Variants in ACAP2 observed in about 807,000 individuals in gnomAD.
ACAP2 encodes the protein ArfGAP with coiled-coil, ankyrin repeat and PH domains 2.
In ACAP2, 39 loss-of-function variants were observed where a neutral mutation model predicts 115.8. That is an observed-to-expected ratio of 0.34 (90% CI 0.26 to 0.44). The LOEUF (loss-of-function observed/expected upper bound fraction) is 0.44, where lower values mean the gene tolerates loss of function less well. ACAP2 is among the 20% of genes least tolerant of loss of function. ACAP2 has a pLI of 1.00. For missense variants in ACAP2, 662 were observed against 927.6 expected (o/e 0.71, Z 3.72); for synonymous variants, 289 against 315.8 (o/e 0.92, Z 0.90).
intron 13 of ACAP2, among the ~76,000 whole-genome samples, chr3:195,303,443 T>C (rs1728202824): frequency 6.8e-6 from 1 of 148,054 alleles, no homozygotes; most frequent in Admixed American, 6.7e-5. Flanking sequence ...ACAAATTAGC[T>C]AGGCATGGTG....
At chr3:195,299,172 A>C (rs1727856023) in intron 15 of ACAP2, among the ~76,000 whole-genome samples, 1 of 152,194 alleles carries the variant, frequency 6.6e-6, no homozygotes. Flanking sequence ...CACAGAAATC[A>C]ACCTTATTTA....
chr3:195,289,294 TA>T (rs200221117), intron 20 of ACAP2, 63 bp from the exon 21 acceptor site: 27,513 of 815,354 alleles, frequency 0.034, no homozygotes, highest in South Asian at 0.042. Flanking sequence ...GTATTCACCT[TA>T]AAAAAAAAAA....
At chr3:195,316,944 C>A (rs1180931349) in intron 10 of ACAP2, among the ~76,000 whole-genome samples, 1 of 115,420 alleles carries the variant, frequency 8.7e-6, no homozygotes, top group Non-Finnish European at 1.6e-5. Context: ...CTCACCCAGG[C>A]TGGAGTGCAG....
rs753691240 is a variant in ACAP2, at chr3:195,295,660, T to C, written c.1672+48A>G. 6.9e-6 allele frequency: 11 copies of C among 1,599,424 alleles called. No homozygotes were observed. In the South Asian group the frequency reaches 7.8e-5, roughly 11 times the overall value. ...TTAGTTCAGGGATTATAAAAGTGATTTGAGCTTAAGAAAATAGCTATAGAC... is the reference window on the plus strand; with the variant it reads ...TTAGTTCAGGGATTATAAAAGTGATCTGAGCTTAAGAAAATAGCTATAGAC... On this transcript the variant is annotated intron_variant, in intron 17 of 22. Coordinates refer to ENST00000326793, the MANE Select transcript of ACAP2 (RefSeq NM_012287.6).
intron 1 of ACAP2, among the ~76,000 whole-genome samples, chr3:195,440,078 A>C (rs1030825403): frequency 6.6e-6 from 1 of 152,224 alleles, no homozygotes; most frequent in Non-Finnish European, 1.5e-5. Flanking sequence ...TCCACTCAAA[A>C]AAAAGTATAC....
chr3:195,327,799 C>T (rs1729892956), intron 8 of ACAP2, among the ~76,000 whole-genome samples: 1 of 151,924 alleles, frequency 6.6e-6, no homozygotes, highest in South Asian at 2.1e-4. Flanking sequence ...GGCATGGTGG[C>T]AGGTGCCTGT....
intron 4 of ACAP2, among the ~76,000 whole-genome samples, chr3:195,359,363 C>A (rs965073627): frequency 6.6e-6 from 1 of 152,062 alleles, no homozygotes; most frequent in African/African-American, 2.4e-5. Context: ...AAAGATAAAC[C>A]AAAAATAATG....
chr3:195,355,013 G>A (rs919497657), intron 4 of ACAP2, among the ~76,000 whole-genome samples: 1 of 152,132 alleles, frequency 6.6e-6, no homozygotes, highest in African/African-American at 2.4e-5. Flanking sequence ...ACAGGCATGT[G>A]CCACCATGCT....
chr3:195,418,550 G>C (rs1713921451), intron 1 of ACAP2, among the ~76,000 whole-genome samples: 1 of 152,118 alleles, frequency 6.6e-6, no homozygotes, highest in Non-Finnish European at 1.5e-5. Context: ...TCATGCTTCA[G>C]CCTCTCAGGT....
chr3:195,434,708 G>T (rs1005668515), intron 1 of ACAP2, among the ~76,000 whole-genome samples: 1 of 152,226 alleles, frequency 6.6e-6, no homozygotes, highest in Non-Finnish European at 1.5e-5. Context: ...ATTCACCAGT[G>T]AAGTCATCTT....
intron 4 of ACAP2, among the ~76,000 whole-genome samples, chr3:195,378,363 G>A (rs915571556): frequency 2.6e-5 from 4 of 151,932 alleles, no homozygotes; most frequent in East Asian, 1.9e-4. Context: ...GTGGTGGCAC[G>A]TCCCTATAGT....
chr3:195,391,320 C>G (rs1028425147), intron 2 of ACAP2, among the ~76,000 whole-genome samples: 1 of 150,002 alleles, frequency 6.7e-6, no homozygotes, highest in African/African-American at 2.5e-5. Context: ...ACCTCCACTT[C>G]CCCAGCTCAA....
intron 13 of ACAP2, among the ~76,000 whole-genome samples, chr3:195,304,788 T>C (rs1418707360): frequency 1.3e-5 from 2 of 152,200 alleles, no homozygotes; most frequent in East Asian, 3.8e-4. Flanking sequence ...TGGTTGTTCC[T>C]CAACAAATGG....
chr3:195,304,764 A>G (rs1480479873), intron 13 of ACAP2, among the ~76,000 whole-genome samples: 2 of 152,250 alleles, frequency 1.3e-5, no homozygotes, highest in Non-Finnish European at 2.9e-5. Context: ...AAAGACTCAA[A>G]AAGACCCTGA....
intron 2 of ACAP2, among the ~76,000 whole-genome samples, chr3:195,385,388 T>TAAA (rs57423683): frequency 9.7e-5 from 11 of 113,936 alleles, no homozygotes; most frequent in African/African-American, 2.5e-4. Context: ...ACAAACTTAG[T>TAAA]AAAAAAAAAA....
intron 3 of ACAP2, among the ~76,000 whole-genome samples, chr3:195,381,445 T>C (rs1297046572): frequency 6.6e-6 from 1 of 152,108 alleles, no homozygotes; most frequent in East Asian, 1.9e-4. Context: ...GAAAGAAATA[T>C]AACACCACAT....
chr3:195,417,667 G>C (rs1160722118), intron 1 of ACAP2, among the ~76,000 whole-genome samples: 1 of 152,200 alleles, frequency 6.6e-6, no homozygotes, highest in African/African-American at 2.4e-5. Context: ...ACTGTCAACA[G>C]CTGGGTACAG....
At chr3:195,438,492 T>C (rs1011097140) in intron 1 of ACAP2, among the ~76,000 whole-genome samples, 1 of 152,174 alleles carries the variant, frequency 6.6e-6, no homozygotes, top group Non-Finnish European at 1.5e-5. Flanking sequence ...GGAGACAAGA[T>C]TGGCACCAAT....
At chr3:195,392,524 G>C (rs895714316) in intron 1 of ACAP2, among the ~76,000 whole-genome samples, 2 of 152,188 alleles carry the variant, frequency 1.3e-5, no homozygotes, top group African/African-American at 4.8e-5. Context: ...GCAAGGCGTT[G>C]TTGGCAACCA....
Sources: allele counts gnomAD v4.1 joint callset (sites outside exome capture counted in the v4.1 genomes callset), GRCh38; gene constraint gnomAD v4.1.1; transcripts MANE v1.5; gene names NCBI Gene and HGNC (gene_info 2026-07-23, HGNC 2026-07-21).